KCNH7: variants seen among roughly 807,000 people sequenced by gnomAD.
The protein encoded by KCNH7 is voltage-gated inwardly rectifying potassium channel KCNH7.
Under a neutral mutation model 120.8 loss-of-function variants are expected in KCNH7, and 49 were observed. The observed-to-expected ratio is 0.41, with a 90% CI of 0.32 to 0.51. The LOEUF is 0.51. Ranked by LOEUF, KCNH7 falls within the 20% of genes least tolerant of loss-of-function variation. The probability of loss-of-function intolerance (pLI) is 0.38; values close to 1 mark genes in which losing one functional copy is unlikely to be tolerated. For missense variants in KCNH7, 1,097 were observed against 1,446.6 expected (o/e 0.76, Z 3.92); for synonymous variants, 547 against 516.1 (o/e 1.06, Z -0.81).
At chr2:162,395,411 A>T (rs116488791) in intron 11 of KCNH7, among the ~76,000 whole-genome samples, 75 of 151,920 alleles carry the variant, frequency 4.9e-4, no homozygotes, top group African/African-American at 1.7e-3. Context: ...CATAAACATT[A>T]CACTTTGAAC....
At chr2:162,521,962 T>G (rs964788429) in intron 3 of KCNH7, among the ~76,000 whole-genome samples, 4 of 151,838 alleles carry the variant, frequency 2.6e-5, no homozygotes, top group Non-Finnish European at 2.9e-5. Context: ...CTTCTCTCTA[T>G]GGTAAAAGAC....
intron 9 of KCNH7, among the ~76,000 whole-genome samples, chr2:162,421,588 C>T (rs968911328): frequency 3.9e-5 from 6 of 152,058 alleles, no homozygotes; most frequent in Non-Finnish European, 7.4e-5. Flanking sequence ...ACAATTTACA[C>T]GATAATTAAA....
At chr2:162,641,466 T>C (rs545014702) in intron 2 of KCNH7, among the ~76,000 whole-genome samples, 1 of 152,194 alleles carries the variant, frequency 6.6e-6, no homozygotes, top group South Asian at 2.1e-4. Context: ...TCCCAGCACT[T>C]TGGGAGGCTG....
chr2:162,827,761 A>G (rs1467737646), intron 2 of KCNH7, among the ~76,000 whole-genome samples: 2 of 152,172 alleles, frequency 1.3e-5, no homozygotes, highest in Non-Finnish European at 2.9e-5. Flanking sequence ...ATTGTAAACC[A>G]CATTTCCACA....
chr2:162,627,423 C>A (rs1029711400), intron 2 of KCNH7, among the ~76,000 whole-genome samples: 1 of 152,074 alleles, frequency 6.6e-6, no homozygotes, highest in Non-Finnish European at 1.5e-5. Flanking sequence ...TATGTATTTT[C>A]TTAAATAAAA....
At chr2:162,665,813 T>A (rs1248720369) in intron 2 of KCNH7, among the ~76,000 whole-genome samples, 2 of 151,940 alleles carry the variant, frequency 1.3e-5, no homozygotes, top group Non-Finnish European at 2.9e-5. Flanking sequence ...ATGCAGGGAG[T>A]CATCTTCGCT....
At chr2:162,727,571 G>C (rs1386310261) in intron 2 of KCNH7, among the ~76,000 whole-genome samples, 2 of 151,994 alleles carry the variant, frequency 1.3e-5, no homozygotes, top group African/African-American at 2.4e-5. Flanking sequence ...CATATACATA[G>C]AATACTACTG....
intron 2 of KCNH7, among the ~76,000 whole-genome samples, chr2:162,730,364 C>T (rs1392407414): frequency 1.3e-5 from 2 of 150,394 alleles, no homozygotes; most frequent in Non-Finnish European, 3.0e-5. Flanking sequence ...ATACTAGATA[C>T]TTTGTTATGA....
intron 2 of KCNH7, among the ~76,000 whole-genome samples, chr2:162,702,649 T>C (rs2105345720): frequency 6.6e-6 from 1 of 152,300 alleles, no homozygotes; most frequent in Non-Finnish European, 1.5e-5. Flanking sequence ...AAATTCACAG[T>C]TAAATTATTA....
At chr2:162,591,377 T>C (rs1303563871) in intron 2 of KCNH7, among the ~76,000 whole-genome samples, 1 of 152,022 alleles carries the variant, frequency 6.6e-6, no homozygotes, top group Non-Finnish European at 1.5e-5. Flanking sequence ...AAGAGCTCAA[T>C]GATTATTTAT....
chr2:162,548,918 G>A (rs907761862), intron 2 of KCNH7, among the ~76,000 whole-genome samples: 22 of 152,250 alleles, frequency 1.4e-4, no homozygotes, highest in African/African-American at 5.3e-4. Context: ...CAAAGAGTAC[G>A]TTTGAGTTCT....
At chr2:162,616,090 C>A (rs1683131328) in intron 2 of KCNH7, among the ~76,000 whole-genome samples, 1 of 152,126 alleles carries the variant, frequency 6.6e-6, no homozygotes, top group Non-Finnish European at 1.5e-5. Flanking sequence ...ACCAAAGATT[C>A]TGATTGTGTA....
chr2:162,758,457 T>A (rs771015495), intron 2 of KCNH7, among the ~76,000 whole-genome samples: 1 of 152,148 alleles, frequency 6.6e-6, no homozygotes, highest in Non-Finnish European at 1.5e-5. Flanking sequence ...ATTGTTTATA[T>A]GTACACACAC....
At chr2:162,470,627 G>A (rs944055765) in intron 6 of KCNH7, among the ~76,000 whole-genome samples, 1 of 150,940 alleles carries the variant, frequency 6.6e-6, no homozygotes, top group Non-Finnish European at 1.5e-5. Flanking sequence ...GAGGTGGGGG[G>A]GTCAGCCCCC....
intron 2 of KCNH7, among the ~76,000 whole-genome samples, chr2:162,564,978 C>T (rs1693202762): frequency 6.6e-6 from 1 of 152,070 alleles, no homozygotes; most frequent in Admixed American, 6.6e-5. Flanking sequence ...GCTAATTCAG[C>T]TCAGAGATGG....
At chr2:162,652,775 C>T (rs16847081) in intron 2 of KCNH7, among the ~76,000 whole-genome samples, 37,210 of 152,028 alleles carry the variant, frequency 0.24, 7,115 homozygotes, top group African/African-American at 0.52. Flanking sequence ...ACTTTATAAA[C>T]ACAAGTTCCA....
chr2:162,670,265 G>A (rs1685297295), intron 2 of KCNH7, among the ~76,000 whole-genome samples: 1 of 151,782 alleles, frequency 6.6e-6, no homozygotes, highest in Non-Finnish European at 1.5e-5. Context: ...CTGAGGTCAG[G>A]AGTTTTGAGA....
chr2:162,477,344 C>T (rs1689779701), intron 6 of KCNH7, among the ~76,000 whole-genome samples: 1 of 152,198 alleles, frequency 6.6e-6, no homozygotes, highest in Non-Finnish European at 1.5e-5. Flanking sequence ...GAGTCAAAGC[C>T]AAGACCCAGG....
chr2:162,536,004 A>C (rs530232308), intron 3 of KCNH7, among the ~76,000 whole-genome samples: 1 of 151,958 alleles, frequency 6.6e-6, no homozygotes, highest in African/African-American at 2.4e-5. Context: ...ACTATACACC[A>C]AAATAAGCTT....
Sources: allele counts gnomAD v4.1 joint callset (sites outside exome capture counted in the v4.1 genomes callset), GRCh38; gene constraint gnomAD v4.1.1; transcripts MANE v1.5; gene names NCBI Gene and HGNC (gene_info 2026-07-23, HGNC 2026-07-21).